KCNT2: variants seen among roughly 807,000 people sequenced by gnomAD.
The protein encoded by KCNT2 is potassium channel subfamily T member 2.
In KCNT2, 67 loss-of-function variants were observed where a neutral mutation model predicts 153.8. That is an observed-to-expected ratio of 0.44 (90% CI 0.36 to 0.53). The LOEUF (loss-of-function observed/expected upper bound fraction) is 0.53. KCNT2 is among the 20% of genes least tolerant of loss of function. The pLI is 0.00. For missense variants in KCNT2, 975 were observed against 1,354.8 expected, an observed-to-expected ratio of 0.72 and a Z score of 4.40; for synonymous variants, 500 against 458.8, an observed-to-expected ratio of 1.09 and a Z score of -1.15.
chr1:196,257,292 G>T, intron 26 of KCNT2: 1 of 983,492 alleles, frequency 1.0e-6, no homozygotes, highest in Non-Finnish European at 1.2e-6. Context: ...AAGAAACAGA[G>T]GCAACTTCTC....
intron 12 of KCNT2, among the ~76,000 whole-genome samples, chr1:196,414,397 A>C (rs1672582115): frequency 6.6e-6 from 1 of 151,844 alleles, no homozygotes; most frequent in South Asian, 2.1e-4. Context: ...TCCTTAAGAA[A>C]TCATAAGCAT....
At chr1:196,451,691 A>G (rs1028552603) in intron 8 of KCNT2, among the ~76,000 whole-genome samples, 2 of 151,748 alleles carry the variant, frequency 1.3e-5, no homozygotes, top group Non-Finnish European at 1.5e-5. Context: ...ACTCAATAAG[A>G]CACTCTCTTT....
intron 8 of KCNT2, among the ~76,000 whole-genome samples, chr1:196,430,749 T>C (rs1173229049): frequency 5.3e-5 from 8 of 152,014 alleles, no homozygotes; most frequent in Admixed American, 3.9e-4. Flanking sequence ...AAATTAGAAA[T>C]GTGTTAAAAT....
chr1:196,482,980 A>G (rs1315554775), intron 3 of KCNT2, among the ~76,000 whole-genome samples: 1 of 152,112 alleles, frequency 6.6e-6, no homozygotes, highest in Non-Finnish European at 1.5e-5. Flanking sequence ...CATAACACTT[A>G]TTATCCCTCT....
At chr1:196,603,081 C>T (rs970375491) in intron 1 of KCNT2, among the ~76,000 whole-genome samples, 3 of 152,112 alleles carry the variant, frequency 2.0e-5, no homozygotes, top group Admixed American at 6.6e-5. Flanking sequence ...CCACCGCGCC[C>T]GGCCCAAAGT....
chr1:196,594,443 A>G (rs537019027), intron 1 of KCNT2, among the ~76,000 whole-genome samples: 303 of 152,248 alleles, frequency 2.0e-3, no homozygotes, highest in Middle Eastern at 3.4e-3. Flanking sequence ...GGTGGCCTAT[A>G]TATTCATAGC....
rs189056711 is a variant in KCNT2, at chr1:196,323,591, G to T, written c.2276+3126C>A. ...TTAATTACCATTTAAGATCTAGAAA[G>T]GTTTATATTTGAAAACATTGTGAAC... On this transcript the variant is annotated intron_variant, in intron 19 of 27. Coordinates refer to ENST00000294725, the MANE Select transcript of KCNT2 (RefSeq NM_198503.5). 2.6e-5 allele frequency among the ~76,000 whole-genome samples: 4 copies of T among 151,808 alleles called. No individual in the cohort carries two copies. In the East Asian group the frequency reaches 7.8e-4, roughly 29 times the overall value.
At chr1:196,283,321 G>T (rs1423713522) in intron 23 of KCNT2, among the ~76,000 whole-genome samples, 2 of 151,964 alleles carry the variant, frequency 1.3e-5, no homozygotes, top group Non-Finnish European at 2.9e-5. Context: ...GGCACCTGTA[G>T]TCCCAGCTAC....
At position 196,432,766 on chromosome 1, in the gene KCNT2, C is replaced by T. The variant is rs112264575; in HGVS notation, c.639-3009G>A. On this transcript the variant is annotated intron_variant, in intron 8 of 27. Coordinates refer to ENST00000294725, the MANE Select transcript of KCNT2 (RefSeq NM_198503.5). ...GGGTGAATCATGCCTTGAGTCTCAC[C>T]CATATCTAATTTAGGTGATATTTAG... Among the ~76,000 whole-genome samples the T allele has an allele frequency of 3.5e-3, 527 of 152,102 alleles. 5 individuals carry two copies. Among genetic ancestry groups the T allele is most frequent in the South Asian group, 0.017 (80 of 4,818 alleles).
At chr1:196,364,592 G>T (rs1004351818) in intron 14 of KCNT2, among the ~76,000 whole-genome samples, 4 of 152,102 alleles carry the variant, frequency 2.6e-5, no homozygotes, top group Admixed American at 1.3e-4. Context: ...AAATGCTCAT[G>T]ATAGAAAACT....
At chr1:196,451,360 C>A (rs1007321802) in intron 8 of KCNT2, among the ~76,000 whole-genome samples, 10 of 147,688 alleles carry the variant, frequency 6.8e-5, no homozygotes, top group African/African-American at 2.2e-4. Context: ...TATGCCCCAG[C>A]CTCCCGAGTA....
At chr1:196,436,986 T>C (rs1005085204) in intron 8 of KCNT2, among the ~76,000 whole-genome samples, 5 of 113,454 alleles carry the variant, frequency 4.4e-5, no homozygotes, top group African/African-American at 1.6e-4. Flanking sequence ...TCAAATTTAA[T>C]ATTGTTTTGT....
intron 1 of KCNT2, among the ~76,000 whole-genome samples, chr1:196,583,058 T>C (rs1662256661): frequency 6.6e-6 from 1 of 151,950 alleles, no homozygotes; most frequent in South Asian, 2.1e-4. Context: ...TCTTCAGAGG[T>C]TGTTATTCAT....
chr1:196,588,525 T>G (rs1403800373), intron 1 of KCNT2, among the ~76,000 whole-genome samples: 1 of 152,032 alleles, frequency 6.6e-6, no homozygotes, highest in Non-Finnish European at 1.5e-5. Context: ...ATTGCAAACA[T>G]TCTGTTGAGA....
chr1:196,496,698 G>A (rs1680285822), intron 1 of KCNT2, among the ~76,000 whole-genome samples: 1 of 152,172 alleles, frequency 6.6e-6, no homozygotes, highest in Admixed American at 6.5e-5. Context: ...GTTCAGGGTG[G>A]TAGGTGGCCA....
chr1:196,441,333 T>C (rs144970830), intron 8 of KCNT2, among the ~76,000 whole-genome samples: 62 of 151,350 alleles, frequency 4.1e-4, no homozygotes, highest in African/African-American at 9.4e-4. Context: ...AAAATATATA[T>C]ATATTTAAAA....
chr1:196,434,456 G>T (rs1231240257), intron 8 of KCNT2, among the ~76,000 whole-genome samples: 1 of 151,798 alleles, frequency 6.6e-6, no homozygotes, highest in Non-Finnish European at 1.5e-5. Context: ...GTGCTTCCAG[G>T]TCTTTTGTTT....
rs375843817 is a variant in KCNT2, at chr1:196,436,510, T to C, written c.639-6753A>G. Among the ~76,000 whole-genome samples, 105 of 151,622 alleles carry C rather than the reference T, an allele frequency of 6.9e-4. 1 individual carries two copies. In the South Asian group the frequency reaches 0.022, roughly 31 times the overall value. ...ACATTAATATTACACAAATACATAT[T>C]AGTTATTTTACTTAGATCTGTGAAT... On this transcript the variant is annotated intron_variant, in intron 8 of 27. Transcript: ENST00000294725.
chr1:196,534,028 CATG>C (rs1252131344), intron 1 of KCNT2, among the ~76,000 whole-genome samples: 10 of 151,846 alleles, frequency 6.6e-5, no homozygotes, highest in African/African-American at 2.4e-4. Flanking sequence ...GAAGATAATG[CATG>C]ATACCTGTCA....
Sources: gnomAD v4.1 joint callset for allele counts (sites outside exome capture counted in the v4.1 genomes callset) on GRCh38, gnomAD v4.1.1 for gene constraint, MANE v1.5 for transcripts, NCBI Gene and HGNC (gene_info 2026-07-23, HGNC 2026-07-21) for gene names.